RBFOX1: variants seen among roughly 807,000 people sequenced by gnomAD.
RBFOX1 encodes the protein RNA binding fox-1 homolog 1.
Under a neutral mutation model 57.7 loss-of-function variants are expected in RBFOX1, and 8 were observed. The observed-to-expected ratio is 0.14, with a 90% CI of 0.08 to 0.25. RBFOX1 has a LOEUF of 0.25. Ranked by LOEUF, RBFOX1 falls within the 10% of genes least tolerant of loss-of-function variation. The pLI is 1.00. For synonymous variants in RBFOX1, 326 were observed against 222.4 expected, an observed-to-expected ratio of 1.47 and a Z score of -4.15; for missense variants, 611 against 548.5, an observed-to-expected ratio of 1.11 and a Z score of -1.14.
chr16:5,658,041 A>C (rs1195034146), intron 3 of RBFOX1, among the ~76,000 whole-genome samples: 2 of 152,098 alleles, frequency 1.3e-5, no homozygotes, highest in Non-Finnish European at 2.9e-5. Flanking sequence ...TAAGGTCTGC[A>C]AATTCTTGAT....
chr16:6,890,401 C>G (rs1040384483), intron 3 of RBFOX1, among the ~76,000 whole-genome samples: 1 of 152,160 alleles, frequency 6.6e-6, no homozygotes, highest in South Asian at 2.1e-4. Flanking sequence ...CACCTGTAGT[C>G]CCAGCCACTT....
intron 3 of RBFOX1, among the ~76,000 whole-genome samples, chr16:7,045,116 A>G (rs2153714567): frequency 6.6e-6 from 1 of 152,252 alleles, no homozygotes; most frequent in South Asian, 2.1e-4. Flanking sequence ...AAAGGAGGGG[A>G]GGTCACTGGC....
Position 6,559,899 on chromosome 16 carries a change from C to T in RBFOX1, c.-63-94704C>T, listed in dbSNP as rs556652130. Among the ~76,000 whole-genome samples, 6 of 152,224 alleles carry T rather than the reference C, an allele frequency of 3.9e-5. No homozygotes were observed. In the South Asian group the frequency reaches 1.0e-3, roughly 26 times the overall value. ...AAAAGAAAACAAGAACCTCTGGTTC[C>T]TTCCCTGAGTTCTCATTAATTGAAC... On this transcript the variant is annotated intron_variant, in intron 2 of 15. Transcript: ENST00000550418.
At chr16:7,241,075 C>G (rs28418544) in intron 4 of RBFOX1, among the ~76,000 whole-genome samples, 2 of 152,006 alleles carry the variant, frequency 1.3e-5, no homozygotes, top group Non-Finnish European at 2.9e-5. Context: ...GTTTATTTAG[C>G]GCAGTTTTTA....
intron 1 of RBFOX1, among the ~76,000 whole-genome samples, chr16:5,344,318 A>G (rs1484420877): frequency 1.3e-5 from 2 of 152,160 alleles, no homozygotes; most frequent in East Asian, 3.9e-4. Flanking sequence ...CTCTTTCTAC[A>G]TCAGCTGTGT....
chr16:7,643,387 A>G (rs868093944), intron 11 of RBFOX1, among the ~76,000 whole-genome samples: 1 of 152,196 alleles, frequency 6.6e-6, no homozygotes, highest in Admixed American at 6.5e-5. Context: ...TTGTAATGTG[A>G]TATTTGATAA....
At position 6,745,866 on chromosome 16, in the gene RBFOX1, C is replaced by G. The variant is rs547737441; in HGVS notation, c.-16+91216C>G. ...CTTTATTCATAGGCAGCGTGATCAT[C>G]TGTGCATAAAATTTTATGCTCTCTA... On this transcript the variant is annotated intron_variant, in intron 3 of 15. Coordinates refer to ENST00000550418, the MANE Select transcript of RBFOX1 (RefSeq NM_018723.4). Among the ~76,000 whole-genome samples the G allele has an allele frequency of 2.0e-5, 3 of 152,284 alleles. No individual in the cohort carries two copies. In the South Asian group the frequency reaches 6.2e-4, roughly 32 times the overall value.
intron 2 of RBFOX1, among the ~76,000 whole-genome samples, chr16:6,645,610 T>C (rs1216216209): frequency 6.6e-6 from 1 of 152,114 alleles, no homozygotes; most frequent in African/African-American, 2.4e-5. Flanking sequence ...AACGGACACA[T>C]GAGTGCTTTG....
At chr16:6,772,321 G>T (rs2078427922) in intron 3 of RBFOX1, among the ~76,000 whole-genome samples, 1 of 152,182 alleles carries the variant, frequency 6.6e-6, no homozygotes, top group South Asian at 2.1e-4. Flanking sequence ...GATCGATTGT[G>T]CTCAAACAGT....
At chr16:7,491,947 C>T (rs749821069) in intron 4 of RBFOX1, among the ~76,000 whole-genome samples, 1 of 152,100 alleles carries the variant, frequency 6.6e-6, no homozygotes, top group Non-Finnish European at 1.5e-5. Flanking sequence ...TTTTGTCATT[C>T]TGAATATTGA....
At chr16:6,485,356 T>C (rs566578545) in intron 2 of RBFOX1, among the ~76,000 whole-genome samples, 36 of 144,102 alleles carry the variant, frequency 2.5e-4, no homozygotes, top group African/African-American at 8.5e-4. Flanking sequence ...TTACCCCTCT[T>C]CTCTTCTCTC....
intron 1 of RBFOX1, among the ~76,000 whole-genome samples, chr16:6,022,750 A>G (rs1220799743): frequency 6.6e-6 from 1 of 152,250 alleles, no homozygotes; most frequent in Non-Finnish European, 1.5e-5. Context: ...AATTTGTGAT[A>G]GTATTTAATT....
At chr16:5,675,583 G>A (rs1204424904) in intron 3 of RBFOX1, among the ~76,000 whole-genome samples, 1 of 152,200 alleles carries the variant, frequency 6.6e-6, no homozygotes, top group Non-Finnish European at 1.5e-5. Flanking sequence ...AGCTGTTTAT[G>A]TTTAAACATG....
chr16:7,595,951 A>G (rs2094666439), intron 8 of RBFOX1, among the ~76,000 whole-genome samples: 1 of 151,620 alleles, frequency 6.6e-6, no homozygotes. Context: ...AGTAGGTTCC[A>G]AAGAATAGAC....
chr16:6,993,536 C>A (rs2091830163), intron 3 of RBFOX1, among the ~76,000 whole-genome samples: 1 of 152,122 alleles, frequency 6.6e-6, no homozygotes, highest in East Asian at 1.9e-4. Flanking sequence ...GTTAAAGGTC[C>A]TTTCCCCTTT....
At chr16:6,055,620 A>G (rs2095605840) in intron 1 of RBFOX1, among the ~76,000 whole-genome samples, 2 of 147,544 alleles carry the variant, frequency 1.4e-5, no homozygotes, top group African/African-American at 5.0e-5. Context: ...AAAAAGGACG[A>G]CGAATTGGAC....
At chr16:5,765,623 C>G (rs769318922) in intron 3 of RBFOX1, among the ~76,000 whole-genome samples, 8 of 152,024 alleles carry the variant, frequency 5.3e-5, no homozygotes, top group Non-Finnish European at 1.2e-4. Flanking sequence ...GGATTCTCTG[C>G]AAACACTGTA....
chr16:7,052,848 A>T (rs993267742), intron 4 of RBFOX1, among the ~76,000 whole-genome samples: 1 of 152,148 alleles, frequency 6.6e-6, no homozygotes, highest in African/African-American at 2.4e-5. Context: ...TCAGTGGATG[A>T]GATTTAGATT....
intron 4 of RBFOX1, among the ~76,000 whole-genome samples, chr16:7,130,967 G>T (rs1405774725): frequency 6.6e-6 from 1 of 152,174 alleles, no homozygotes; most frequent in East Asian, 1.9e-4. Flanking sequence ...ATAAGTGAAG[G>T]TGATCAGTTT....
Sources: allele counts gnomAD v4.1 joint callset (sites outside exome capture counted in the v4.1 genomes callset), GRCh38; gene constraint gnomAD v4.1.1; transcripts MANE v1.5; gene names NCBI Gene and HGNC (gene_info 2026-07-23, HGNC 2026-07-21).